The following PCDHGB4 variants were observed in gnomAD, a reference collection of about 807,000 sequenced individuals.
The protein encoded by PCDHGB4 is protocadherin gamma-B4.
PCDHGB4 carries 38 observed loss-of-function variants against 60.5 expected under a neutral mutation model. The ratio of observed to expected loss-of-function variants is 0.63; its 90% CI spans 0.48 to 0.82. PCDHGB4 has a LOEUF of 0.82. Among genes scored for constraint, PCDHGB4 ranks in the 40% least tolerant of loss-of-function variants. The probability of loss-of-function intolerance (pLI) is 0.00; values close to 1 mark genes in which losing one functional copy is unlikely to be tolerated. For missense variants in PCDHGB4, 1,109 were observed against 1,209.6 expected, an observed-to-expected ratio of 0.92 and a Z score of 1.23; for synonymous variants, 456 against 509.7, an observed-to-expected ratio of 0.89 and a Z score of 1.42.
chr5:141,436,743 C>A (rs991678215), intron 1 of PCDHGB4, among the ~76,000 whole-genome samples: 3 of 152,158 alleles, frequency 2.0e-5, no homozygotes, highest in Non-Finnish European at 4.4e-5. Flanking sequence ...TTTTTGTGTG[C>A]TTCTCCATAT....
chr5:141,409,143 G>A (rs778597273), intron 1 of PCDHGB4: 1 of 1,613,868 alleles, frequency 6.2e-7, no homozygotes, highest in African/African-American at 1.3e-5. Flanking sequence ...GATGTAGAAA[G>A]GTACACCATG....
In PCDHGB4 at chr5:141,510,915, A is replaced by G; in HGVS notation, c.2546-32A>G. 8 of 1,613,786 alleles carry G rather than the reference A, an allele frequency of 5.0e-6. No individual in the cohort carries two copies. The South Asian group carries it at 8.8e-5, about 18-fold the overall frequency. ...AGTGACTGTTGAGGACCCTAAGTTT[A>G]GCTCCCACCTGATCTTCCTCTGTCT... On this transcript the variant is annotated intron_variant, in intron 3 of 3. Coordinates refer to ENST00000519479, the MANE Select transcript of PCDHGB4 (RefSeq NM_003736.4).
chr5:141,510,448 C>T (rs1339979584), intron 3 of PCDHGB4, among the ~76,000 whole-genome samples: 1 of 152,016 alleles, frequency 6.6e-6, no homozygotes, highest in Non-Finnish European at 1.5e-5. Context: ...TCCAGGAGCC[C>T]ATGGTCTAGT....
In PCDHGB4 at chr5:141,430,592, C is replaced by G; in HGVS notation, c.2397+40311C>G. The G allele has an allele frequency of 9.2e-6, 5 of 544,570 alleles. No individual in the cohort carries two copies. In the South Asian group the frequency reaches 3.1e-4, roughly 34 times the overall value. The allele number at this position is 544,570 out of a possible 1,614,324, so 33.7% of individuals were successfully genotyped here. ...AAGCGGAGATCCTGCTCGCCTTGCACGCGCCTGAAGCACAAAGCAGATAGC... is the reference window on the plus strand; with the variant it reads ...AAGCGGAGATCCTGCTCGCCTTGCAGGCGCCTGAAGCACAAAGCAGATAGC... On this transcript the variant is annotated intron_variant, in intron 1 of 3. Coordinates refer to ENST00000519479, the MANE Select transcript of PCDHGB4 (RefSeq NM_003736.4).
At chr5:141,403,066 G>A in intron 1 of PCDHGB4, 1 of 1,614,076 alleles carries the variant, frequency 6.2e-7, no homozygotes, top group East Asian at 2.2e-5. Flanking sequence ...TGCCTGAAGA[G>A]ACAGAAAAGG....
intron 1 of PCDHGB4, among the ~76,000 whole-genome samples, chr5:141,454,268 G>A (rs2098785692): frequency 6.6e-6 from 1 of 152,126 alleles, no homozygotes; most frequent in African/African-American, 2.4e-5. Context: ...AGTAATGCCA[G>A]CAAAAACTTC....
chr5:141,428,114 C>T (rs2097111703), intron 1 of PCDHGB4: 1 of 1,607,084 alleles, frequency 6.2e-7, no homozygotes, highest in Admixed American at 1.7e-5. Context: ...TGCAGGCCAT[C>T]GAGCCCGGGC....
chr5:141,469,517 G>A (rs1416478511), intron 1 of PCDHGB4, among the ~76,000 whole-genome samples: 1 of 152,198 alleles, frequency 6.6e-6, no homozygotes, highest in Non-Finnish European at 1.5e-5. Flanking sequence ...GGAGGTTGCA[G>A]TGAGCCAAGA....
intron 1 of PCDHGB4, chr5:141,423,436 C>A (rs2096740667): frequency 6.2e-7 from 1 of 1,613,782 alleles, no homozygotes; most frequent in Non-Finnish European, 8.5e-7. Context: ...GGCAGGTATG[C>A]CCACGTCACA....
intron 1 of PCDHGB4, chr5:141,390,545 A>G (rs62378444): frequency 2.0e-6 from 1 of 505,936 alleles, no homozygotes; most frequent in African/African-American, 1.9e-5. Context: ...CCACAAAGTG[A>G]AAGTGTTAGA....
Position 141,490,480 on chromosome 5 carries a change from C to G in PCDHGB4, c.2398-4327C>G. On this transcript the variant is annotated intron_variant, in intron 1 of 3. Coordinates refer to ENST00000519479, the MANE Select transcript of PCDHGB4 (RefSeq NM_003736.4). This position sits in a 1 kb window ranked among gnomAD's most constrained non-coding sequence, Gnocchi z 5.4. The stretch of plus-strand genomic sequence containing the variant: ...GCTGCTAACCAGCCAGCCTTTGGAC[C>G]GGGAGGCCACATCCCACTATATCAT... 2.5e-6 allele frequency: 4 copies of G among 1,614,194 alleles called. No homozygotes were observed. The highest frequency in any genetic ancestry group is 3.4e-6 in the Non-Finnish European group (4 of 1,180,050).
At chr5:141,445,254 AAT>A (rs1214840265) in intron 1 of PCDHGB4, among the ~76,000 whole-genome samples, 49 of 152,350 alleles carry the variant, frequency 3.2e-4, no homozygotes, top group Non-Finnish European at 5.9e-5. Context: ...ATTGTGTGAG[AAT>A]ATAAGTCGAA....
chr5:141,432,495 C>G lies in PCDHGB4; in HGVS notation c.2397+42214C>G. 1.2e-6 allele frequency: 2 copies of G among 1,614,182 alleles called. No individual in the cohort carries two copies. The highest frequency in any genetic ancestry group is 1.7e-6 in the Non-Finnish European group (2 of 1,180,048). On this transcript the variant is annotated intron_variant, in intron 1 of 3. Coordinates refer to ENST00000519479, the MANE Select transcript of PCDHGB4 (RefSeq NM_003736.4). The surrounding 1 kb of genome is among the most constrained non-coding windows in gnomAD (Gnocchi z 6.0). ...GGTTCCACTGGCGTGGAGCTGGCTC[C>G]CCGCTCCGCAGAGCCCGGCTACCTG...
chr5:141,388,814 C>A lies in PCDHGB4; in HGVS notation c.930C>A (p.Val310=). 1 of 1,613,826 alleles carries A rather than the reference C, an allele frequency of 6.2e-7. No homozygotes were observed. Among genetic ancestry groups the A allele is most frequent in the Non-Finnish European group, 8.5e-7 (1 of 1,179,816 alleles). The change falls in exon 1 of 4, where the codon GTC becomes GTA. Residue 310 remains valine (V), a synonymous_variant. Transcript: ENST00000519479. ...TAAATACATTAGATTTTGAAGAAGT[C>A]AAAGAATATTCCATAGTTTTGGAAG... ...TVLNTLDFEE[V]KEYSIVLEAR... is the part of the protein sequence containing the mutation.
rs2099749632 is a variant in PCDHGB4, at chr5:141,493,698, C to T, written c.2398-1109C>T. The stretch of plus-strand genomic sequence containing the variant: ...AGAATGGTGCTGGTGACTCCCGATA[C>T]ACCTGGAATGCTAGGTTTCTGGGTT... On this transcript the variant is annotated intron_variant, in intron 1 of 3. Transcript: ENST00000519479. This position sits in a 1 kb window ranked among gnomAD's most constrained non-coding sequence, Gnocchi z 4.3. Among the ~76,000 whole-genome samples the T allele has an allele frequency of 6.6e-6, 1 of 152,208 alleles. No individual in the cohort carries two copies. Among genetic ancestry groups the T allele is most frequent in the Non-Finnish European group, 1.5e-5 (1 of 68,034 alleles).
At chr5:141,497,464 T>G (rs1277760390) in intron 2 of PCDHGB4, among the ~76,000 whole-genome samples, 1 of 151,764 alleles carries the variant, frequency 6.6e-6, no homozygotes, top group Non-Finnish European at 1.5e-5. Flanking sequence ...CTTGGAGATA[T>G]GGAGGAGAAG....
chr5:141,505,182 C>T (rs1302018549), intron 2 of PCDHGB4, among the ~76,000 whole-genome samples: 2 of 152,094 alleles, frequency 1.3e-5, no homozygotes, highest in East Asian at 3.9e-4. Context: ...AAAAAAGCAT[C>T]GGAGGCAGCA....
intron 1 of PCDHGB4, among the ~76,000 whole-genome samples, chr5:141,473,910 A>G (rs1165685707): frequency 6.6e-6 from 1 of 152,168 alleles, no homozygotes; most frequent in Non-Finnish European, 1.5e-5. Flanking sequence ...AAGAGGTCTT[A>G]AGAAAACTAT....
In PCDHGB4 at chr5:141,493,307, AAG is replaced by A. The variant is rs2099747490; in HGVS notation, c.2398-1494_2398-1493del. Among the ~76,000 whole-genome samples, 1 of 152,234 alleles carries A rather than the reference AAG, an allele frequency of 6.6e-6. No homozygotes were observed. Among genetic ancestry groups the A allele is most frequent in the South Asian group, 2.1e-4 (1 of 4,832 alleles). ...ACTTGCTCAAGTTCACAGAGCAAGT[AAG>A]AGAGATTCTAACCCCTGTCTAACTC... On this transcript the variant is annotated intron_variant, in intron 1 of 3. Transcript: ENST00000519479. This position sits in a 1 kb window ranked among gnomAD's most constrained non-coding sequence, Gnocchi z 4.3.
Sources: gnomAD v4.1 joint callset for allele counts (sites outside exome capture counted in the v4.1 genomes callset) on GRCh38, gnomAD v4.1.1 for gene constraint, Gnocchi (gnomAD v3.1) non-coding constraint, MANE v1.5 for transcripts, NCBI Gene and HGNC (gene_info 2026-07-23, HGNC 2026-07-21) for gene names.